HOGA1: variants seen among roughly 807,000 people sequenced by gnomAD.
HOGA1 encodes the protein 4-hydroxy-2-oxoglutarate aldolase, mitochondrial.
HOGA1 carries 30 observed loss-of-function variants against 34.3 expected under a neutral mutation model. The ratio of observed to expected loss-of-function variants is 0.87; its 90% CI spans 0.65 to 1.19. The LOEUF (loss-of-function observed/expected upper bound fraction) is 1.19, where lower values mean the gene tolerates loss of function less well. HOGA1 is among the 50% of genes most tolerant of loss of function. HOGA1 has a pLI of 0.00. For synonymous variants in HOGA1, 161 were observed against 174.0 expected (o/e 0.93, Z 0.59); for missense variants, 417 against 436.5 (o/e 0.96, Z 0.40).
At chr10:97,596,812 T>C (rs1405406765) in intron 1 of HOGA1, among the ~76,000 whole-genome samples, 1 of 151,238 alleles carries the variant, frequency 6.6e-6, no homozygotes, top group Non-Finnish European at 1.5e-5. Flanking sequence ...ATGGAAAAAG[T>C]TGGTGGAATG....
chr10:97,595,652 A>G (rs1451673372), intron 1 of HOGA1, among the ~76,000 whole-genome samples: 1 of 152,180 alleles, frequency 6.6e-6, no homozygotes, highest in Non-Finnish European at 1.5e-5. Context: ...CCGAGGTCGC[A>G]CCACTGCACT....
intron 1 of HOGA1, among the ~76,000 whole-genome samples, chr10:97,593,879 T>A (rs2041048266): frequency 6.6e-6 from 1 of 152,136 alleles, no homozygotes; most frequent in Admixed American, 6.5e-5. Flanking sequence ...CAACTTGTTT[T>A]TTTTTTGAGA....
chr10:97,608,262 G>A (rs1465173274), intron 6 of HOGA1, among the ~76,000 whole-genome samples: 2 of 152,084 alleles, frequency 1.3e-5, no homozygotes, highest in Non-Finnish European at 2.9e-5. Context: ...AGTGAGCTAC[G>A]ATCATGCCAC....
In HOGA1 at chr10:97,599,143, CG is replaced by C. The variant is rs2135721735; in HGVS notation, c.397del (p.Ala133ProfsTer4). Reference protein sequence around the residue: ...TVSMAQVGADAAMVVTPCYYR... With the variant: ...TVSMAQVGADXAMVVTPCYYR... ...AGCATGGCCCAGGTCGGGGCTGACGCGGCCATGGTGGTGACCCCTTGCTACT... is the reference window on the plus strand; with the variant it reads ...AGCATGGCCCAGGTCGGGGCTGACGCGCCATGGTGGTGACCCCTTGCTACT... On this transcript the variant is annotated frameshift_variant, in exon 3 of 7. Coordinates refer to ENST00000370646, the MANE Select transcript of HOGA1 (RefSeq NM_138413.4). LOFTEE classifies it high-confidence loss of function. 1.2e-6 allele frequency: 2 copies of C among 1,613,830 alleles called. No individual in the cohort carries two copies. Among genetic ancestry groups the C allele is most frequent in the Non-Finnish European group, 1.7e-6 (2 of 1,180,016 alleles).
At chr10:97,595,750 A>G (rs1315995770) in intron 1 of HOGA1, among the ~76,000 whole-genome samples, 1 of 152,194 alleles carries the variant, frequency 6.6e-6, no homozygotes, top group Admixed American at 6.5e-5. Context: ...CTATTTTTTA[A>G]TTGAGTTAGC....
chr10:97,588,298 C>T (rs754854596), intron 1 of HOGA1, among the ~76,000 whole-genome samples: 13 of 149,980 alleles, frequency 8.7e-5, no homozygotes, highest in South Asian at 2.1e-4. Flanking sequence ...TCCAGGTTCA[C>T]GCCATTTTCC....
At chr10:97,590,169 G>A (rs776456872) in intron 1 of HOGA1, 80 of 1,613,916 alleles carry the variant, frequency 5.0e-5, no homozygotes, top group Middle Eastern at 4.9e-4. Flanking sequence ...GCTCTGCACC[G>A]GGAATCCTTC....
chr10:97,599,033 G>C, intron 2 of HOGA1, 56 bp from the exon 3 acceptor site: 13 of 1,609,032 alleles, frequency 8.1e-6, no homozygotes, highest in Middle Eastern at 2.1e-4. Flanking sequence ...GCTTGGCCCA[G>C]TGTCCTGGTC....
At chr10:97,607,353 G>A (rs992015602) in intron 6 of HOGA1, among the ~76,000 whole-genome samples, 1 of 152,224 alleles carries the variant, frequency 6.6e-6, no homozygotes, top group African/African-American at 2.4e-5. Context: ...GGGGGTGGCA[G>A]TTCAGACTCC....
chr10:97,601,726 T>G, intron 5 of HOGA1, 131 bp from the exon 6 acceptor site: 2 of 1,062,220 alleles, frequency 1.9e-6, no homozygotes, highest in Non-Finnish European at 1.4e-6. Flanking sequence ...GAGCATGCCT[T>G]TGATGTAGCC....
chr10:97,593,213 C>T (rs1363543463), intron 1 of HOGA1, among the ~76,000 whole-genome samples: 6 of 151,338 alleles, frequency 4.0e-5, no homozygotes, highest in African/African-American at 9.7e-5. Flanking sequence ...CGGCGGCTCA[C>T]GCCTGTAATC....
chr10:97,609,885 G>A (rs7905346), intron 6 of HOGA1, among the ~76,000 whole-genome samples: 114,119 of 152,062 alleles, frequency 0.75, 43,407 homozygotes, highest in African/African-American at 0.81. Context: ...CACCCATTCC[G>A]AGAAAAAAAA....
chr10:97,584,611 A>G lies in HOGA1; in HGVS notation c.-93A>G. On this transcript the variant is annotated 5_prime_UTR_variant, in exon 1 of 7. Coordinates refer to ENST00000370646, the MANE Select transcript of HOGA1 (RefSeq NM_138413.4). ...TCAGGGAGGCCGCAAATTTTTAACT[A>G]GAAACATTGATCATTAATAGGGGGT... The G allele has an allele frequency of 1.6e-6, 2 of 1,212,806 alleles. No homozygotes were observed. Among genetic ancestry groups the G allele is most frequent in the Non-Finnish European group, 2.3e-6 (2 of 857,324 alleles). The allele number at this position is 1,212,806 out of a possible 1,614,324, so 75.1% of individuals were successfully genotyped here.
chr10:97,600,215 G>A, intron 5 of HOGA1, 52 bp downstream of exon 5: 1 of 1,457,208 alleles, frequency 6.9e-7, no homozygotes. Context: ...AGATACCCAG[G>A]TACCTGGGTC....
At chr10:97,593,059 G>A (rs1225835062) in intron 1 of HOGA1, among the ~76,000 whole-genome samples, 2 of 121,934 alleles carry the variant, frequency 1.6e-5, no homozygotes, top group Admixed American at 1.6e-4. Context: ...AAAGAGAATG[G>A]TCAGATCACT....
intron 6 of HOGA1, among the ~76,000 whole-genome samples, chr10:97,610,197 G>A (rs1322570155): frequency 1.3e-5 from 2 of 152,218 alleles, no homozygotes; most frequent in Admixed American, 6.5e-5. Context: ...GCCAGGCGCC[G>A]TGGCTCATGC....
At chr10:97,589,979 A>C in intron 1 of HOGA1, 1 of 1,614,140 alleles carries the variant, frequency 6.2e-7, no homozygotes, top group Non-Finnish European at 8.5e-7. Flanking sequence ...AGAATCCCAT[A>C]AAGCAAAGAA....
chr10:97,591,019 G>T, intron 1 of HOGA1: 1 of 171,938 alleles, frequency 5.8e-6, no homozygotes. Flanking sequence ...CCTCTGGAGT[G>T]GAGTGGAGAA....
chr10:97,594,300 C>T (rs1002148858), intron 1 of HOGA1, among the ~76,000 whole-genome samples: 6 of 151,366 alleles, frequency 4.0e-5, no homozygotes, highest in Admixed American at 1.3e-4. Context: ...TTCTGACTCC[C>T]GAGTAGCTGG....
Sources: allele counts gnomAD v4.1 joint callset (sites outside exome capture counted in the v4.1 genomes callset), GRCh38; gene constraint gnomAD v4.1.1; transcripts MANE v1.5; gene names NCBI Gene and HGNC (gene_info 2026-07-23, HGNC 2026-07-21).